Variants in MAJIN observed in about 807,000 individuals in gnomAD.
MAJIN encodes the protein membrane anchored junction protein.
Under a neutral mutation model 30.2 loss-of-function variants are expected in MAJIN, and 27 were observed. That is an observed-to-expected ratio of 0.89 (90% CI 0.66 to 1.23). The LOEUF (loss-of-function observed/expected upper bound fraction) is 1.23. Ranked by LOEUF, MAJIN falls within the 50% of genes most tolerant of loss-of-function variation. MAJIN has a pLI of 0.00. For synonymous variants in MAJIN, 78 were observed against 91.6 expected, an observed-to-expected ratio of 0.85 and a Z score of 0.85; for missense variants, 253 against 260.3, an observed-to-expected ratio of 0.97 and a Z score of 0.19.
chr11:64,945,324 C>T (rs1945435951), intron 8 of MAJIN, among the ~76,000 whole-genome samples: 2 of 151,946 alleles, frequency 1.3e-5, no homozygotes, highest in African/African-American at 4.8e-5. Context: ...CACCACTGCA[C>T]TCCAGCCTGG....
At chr11:64,953,054 C>A (rs79926614) in intron 4 of MAJIN, among the ~76,000 whole-genome samples, 18,309 of 152,092 alleles carry the variant, frequency 0.12, 1,567 homozygotes, top group East Asian at 0.28. Context: ...CATCTGACCC[C>A]AAACTAGTGA....
At chr11:64,940,759 G>A (rs1407754619) in intron 8 of MAJIN, 113 bp from the exon 9 acceptor site, 5 of 825,300 alleles carry the variant, frequency 6.1e-6, no homozygotes, top group East Asian at 2.6e-5. Flanking sequence ...CCTGGCTTCT[G>A]ACTGCCTAGA....
intron 1 of MAJIN, among the ~76,000 whole-genome samples, chr11:64,962,006 T>TGAA (rs1349097008): frequency 6.6e-6 from 1 of 151,930 alleles, no homozygotes; most frequent in Admixed American, 6.6e-5. Flanking sequence ...AGGCTAGTCT[T>TGAA]GAACTCCTGG....
chr11:64,950,814 T>A (rs914233280), intron 4 of MAJIN, among the ~76,000 whole-genome samples: 9 of 152,274 alleles, frequency 5.9e-5, no homozygotes, highest in African/African-American at 2.2e-4. Flanking sequence ...ACTCCTGGGC[T>A]CAAGTGCTCT....
Position 64,938,475 on chromosome 11 carries a change from A to G in MAJIN, c.*100T>C, listed in dbSNP as rs372226672. The G allele has an allele frequency of 4.7e-6, 7 of 1,504,856 alleles. No homozygotes were observed. The highest frequency in any genetic ancestry group is 2.8e-5 in the African/African-American group (2 of 72,352). 93.2% of individuals were successfully genotyped at this position (1,504,856 alleles called of 1,614,324 possible). On this transcript the variant is annotated 3_prime_UTR_variant, in exon 11 of 11. Coordinates refer to ENST00000301896, the MANE Select transcript of MAJIN (RefSeq NM_001037225.3). ...AGAGTTGGAGGAAGAATGGCTCGGG[A>G]GGAGTCACTACAAGAGATGATCCTC...
At chr11:64,951,718 T>C (rs372529932) in intron 4 of MAJIN, among the ~76,000 whole-genome samples, 2 of 147,182 alleles carry the variant, frequency 1.4e-5, no homozygotes, top group African/African-American at 2.5e-5. Flanking sequence ...TGAGCTATGA[T>C]TGCATCACTG....
chr11:64,966,064 A>G (rs1462114115), intron 1 of MAJIN, among the ~76,000 whole-genome samples: 1 of 151,004 alleles, frequency 6.6e-6, no homozygotes, highest in Non-Finnish European at 1.5e-5. Flanking sequence ...ACTGCAAGCA[A>G]GGAAGGACAT....
chr11:64,943,913 G>C (rs150526667), intron 8 of MAJIN, among the ~76,000 whole-genome samples: 12 of 152,330 alleles, frequency 7.9e-5, no homozygotes, highest in Non-Finnish European at 1.3e-4. Flanking sequence ...TAAAGGATGG[G>C]AGGCATAGAA....
intron 1 of MAJIN, among the ~76,000 whole-genome samples, chr11:64,965,772 CG>C (rs1274233885): frequency 6.6e-5 from 10 of 151,944 alleles, no homozygotes; most frequent in African/African-American, 2.4e-4. Flanking sequence ...CTGGCTAACA[CG>C]GTGAAACCCC....
Position 64,959,382 on chromosome 11 carries a change from G to T in MAJIN, c.24C>A (p.Tyr8Ter). 6.2e-7 allele frequency: 1 copy of T among 1,613,928 alleles called. No individual in the cohort carries two copies. The highest frequency in any genetic ancestry group is 1.1e-5 in the South Asian group (1 of 91,072). The change falls in exon 3 of 11, where the codon TAC (tyrosine) becomes TAA (stop). Residue 8 changes from tyrosine (Y) to a stop codon, truncating the protein, a stop_gained. Transcript: ENST00000301896. LOFTEE classifies it high-confidence loss of function. MSLKPFT[Y>*]PFPETRFLHA... ...GAAGAAACCTCGTCTCTGGAAACGG[G>T]TAGGTAAAGGGTTTTAAACTCATTG...
intron 6 of MAJIN, among the ~76,000 whole-genome samples, chr11:64,949,008 A>G (rs572138431): frequency 1.3e-5 from 2 of 151,082 alleles, no homozygotes; most frequent in East Asian, 2.0e-4. Context: ...CAATCAACAA[A>G]AACACCCATG....
At chr11:64,965,378 A>G (rs240571) in intron 1 of MAJIN, among the ~76,000 whole-genome samples, 114,604 of 152,036 alleles carry the variant, frequency 0.75, 43,400 homozygotes, top group African/African-American at 0.77. Context: ...AGATCAAAAG[A>G]CCTCAGTGGG....
At chr11:64,959,143 A>T (rs1387442756) in intron 3 of MAJIN, among the ~76,000 whole-genome samples, 162 bp downstream of exon 3, 3 of 151,990 alleles carry the variant, frequency 2.0e-5, no homozygotes. Flanking sequence ...ACTCATATGA[A>T]TAATATATAT....
At chr11:64,964,531 C>T (rs757321928) in intron 1 of MAJIN, among the ~76,000 whole-genome samples, 19 of 152,220 alleles carry the variant, frequency 1.2e-4, no homozygotes, top group African/African-American at 4.1e-4. Flanking sequence ...TAACCCTGGT[C>T]GCGCTCACCA....
Position 64,959,531 on chromosome 11 carries a change from A to G in MAJIN, c.-17-109T>C, listed in dbSNP as rs1945691095. On this transcript the variant is annotated intron_variant, in intron 2 of 10. Coordinates refer to ENST00000301896, the MANE Select transcript of MAJIN (RefSeq NM_001037225.3). ...TCTCTTCATGAGTAAAATGTCCAAC[A>G]CTAAGCACTACTGCCTACGTACCAG... The G allele has an allele frequency of 5.5e-6, 4 of 731,526 alleles. No individual in the cohort carries two copies. In the African/African-American group the frequency reaches 7.1e-5, roughly 13 times the overall value. 45.3% of individuals were successfully genotyped at this position (731,526 alleles called of 1,614,324 possible).
At chr11:64,950,581 T>C (rs1945536877) in intron 4 of MAJIN, 151 bp from the exon 5 acceptor site, 1 of 155,152 alleles carries the variant, frequency 6.4e-6, no homozygotes, top group Admixed American at 7.5e-5. Flanking sequence ...CATTTCTTTT[T>C]CTTTCTTTCT....
chr11:64,940,499 G>T, intron 9 of MAJIN, 75 bp downstream of exon 9: 1 of 1,465,340 alleles, frequency 6.8e-7, no homozygotes, highest in Non-Finnish European at 9.6e-7. Context: ...GCTCTGTGCT[G>T]CTCTACATAT....
chr11:64,954,531 C>T (rs756258191), intron 4 of MAJIN: 2 of 642,566 alleles, frequency 3.1e-6, no homozygotes, highest in South Asian at 3.2e-5. Flanking sequence ...ACAAAAAGCT[C>T]TCAGCCTCAA....
chr11:64,945,827 G>A (rs1340026126), intron 8 of MAJIN, among the ~76,000 whole-genome samples: 11 of 152,158 alleles, frequency 7.2e-5, no homozygotes, highest in South Asian at 4.1e-4. Context: ...ATGAGCCACC[G>A]TACCAGGCAA....
Sources: allele counts gnomAD v4.1 joint callset (sites outside exome capture counted in the v4.1 genomes callset), GRCh38; gene constraint gnomAD v4.1.1; transcripts MANE v1.5; gene names NCBI Gene and HGNC (gene_info 2026-07-23, HGNC 2026-07-21).